Variants in RSPH9 observed in about 807,000 individuals in gnomAD.
The protein encoded by RSPH9 is radial spoke head protein 9 homolog.
RSPH9 carries 27 observed loss-of-function variants against 27.0 expected under a neutral mutation model. That is an observed-to-expected ratio of 1.00 (90% confidence interval 0.74 to 1.38). The LOEUF is 1.38. RSPH9 is among the 40% of genes most tolerant of loss of function. The pLI is 0.00. For missense variants in RSPH9, 347 were observed against 357.4 expected, an observed-to-expected ratio of 0.97 and a Z score of 0.24; for synonymous variants, 145 against 147.7, an observed-to-expected ratio of 0.98 and a Z score of 0.13.
At chr6:43,661,302 C>CA (rs567251570) in intron 4 of RSPH9, among the ~76,000 whole-genome samples, 87 of 152,320 alleles carry the variant, frequency 5.7e-4, no homozygotes, top group African/African-American at 2.0e-3. Context: ...GAGCCCCTAA[C>CA]AAGAGAGTCA....
At chr6:43,656,243 G>A (rs1232302588) in intron 3 of RSPH9, among the ~76,000 whole-genome samples, 2 of 151,986 alleles carry the variant, frequency 1.3e-5, no homozygotes, top group Non-Finnish European at 2.9e-5. Flanking sequence ...CCTCTACCAC[G>A]CTCGGCTAAT....
intron 4 of RSPH9, among the ~76,000 whole-genome samples, chr6:43,665,274 A>G (rs1486539950): frequency 6.6e-6 from 1 of 152,162 alleles, no homozygotes; most frequent in African/African-American, 2.4e-5. Context: ...GGTAAGGTGG[A>G]CCCTGGAGGC....
intron 4 of RSPH9, among the ~76,000 whole-genome samples, chr6:43,663,227 AT>A (rs111655173): frequency 0.25 from 37,687 of 149,786 alleles, 8,316 homozygotes; most frequent in African/African-American, 0.6. Context: ...TTTATTTTTT[AT>A]TTTTTTTTGA....
Position 43,655,649 on chromosome 6 carries a change from A to G in RSPH9, c.481A>G (p.Lys161Glu), listed in dbSNP as rs1351239709. 21 of 1,614,108 alleles carry G rather than the reference A, an allele frequency of 1.3e-5. No individual in the cohort carries two copies. Among genetic ancestry groups the G allele is most frequent in the Non-Finnish European group, 1.7e-5 (20 of 1,180,054 alleles). Residue 161 changes from lysine (K) to glutamate (E), a missense_variant, in exon 3 of 5, where the codon AAG becomes GAG. Physicochemically the swap from Lys to Glu is moderately conservative, Grantham distance 56. Coordinates refer to ENST00000372163, the MANE Select transcript of RSPH9 (RefSeq NM_152732.5). ...VAIIPRGALF[K>E]TPFGPTHVNR... is the part of the protein sequence containing the mutation. ...CATCATCCCCCGAGGCGCCCTCTTCAAGACCCCTTTTGGACCCACCCATGT... is the reference window on the plus strand; with the variant it reads ...CATCATCCCCCGAGGCGCCCTCTTCGAGACCCCTTTTGGACCCACCCATGT...
chr6:43,659,204 A>T (rs1463469037), intron 4 of RSPH9, among the ~76,000 whole-genome samples: 1 of 149,576 alleles, frequency 6.7e-6, no homozygotes, highest in Admixed American at 6.6e-5. Flanking sequence ...CCACATCCGC[A>T]GTTACTTCCT....
In RSPH9 at chr6:43,645,255, C is replaced by T; in HGVS notation, c.157C>T (p.Leu53Phe). The T allele has an allele frequency of 6.2e-7, 1 of 1,614,080 alleles. No individual in the cohort carries two copies. Among genetic ancestry groups the T allele is most frequent in the Non-Finnish European group, 8.5e-7 (1 of 1,180,018 alleles). ...TCTCTTCTGGGGCCGCATCCTTGGC[C>T]TCGTCGCCGATTACTACATCGCGCA... ...RVLFWGRILG[L>F]VADYYIAQGL... is the part of the protein sequence containing the mutation. The change falls in exon 1 of 5, where the codon CTC becomes TTC. Residue 53 changes from leucine to phenylalanine, a missense_variant. Transcript: ENST00000372163.
chr6:43,656,331 C>T (rs1256603035), intron 3 of RSPH9, among the ~76,000 whole-genome samples: 1 of 152,184 alleles, frequency 6.6e-6, no homozygotes, highest in Non-Finnish European at 1.5e-5. Context: ...GGTGATCTGC[C>T]TGCCTCGGCT....
intron 4 of RSPH9, among the ~76,000 whole-genome samples, chr6:43,661,820 T>C (rs1215090456): frequency 6.6e-6 from 1 of 152,164 alleles, no homozygotes; most frequent in East Asian, 1.9e-4. Context: ...TACATTAGCA[T>C]TTGCTGCTCC....
intron 4 of RSPH9, chr6:43,666,569 C>A: frequency 8.0e-7 from 1 of 1,249,386 alleles, no homozygotes; most frequent in Non-Finnish European, 1.1e-6. Context: ...TGACAAGAGA[C>A]ACCTTGGCTG....
At chr6:43,656,821 C>T in intron 4 of RSPH9, 98 bp downstream of exon 4, 9 of 1,393,992 alleles carry the variant, frequency 6.5e-6, no homozygotes, top group Non-Finnish European at 9.1e-6. Context: ...AACCAAGGGC[C>T]TAGTGGGAAT....
At chr6:43,658,329 C>T (rs1029822455) in intron 4 of RSPH9, among the ~76,000 whole-genome samples, 14 of 136,076 alleles carry the variant, frequency 1.0e-4, no homozygotes, top group South Asian at 2.4e-4. Flanking sequence ...AAAAAAGAAA[C>T]GAACATATCT....
At chr6:43,668,098 G>T (rs1016765589) in intron 4 of RSPH9, among the ~76,000 whole-genome samples, 1 of 152,144 alleles carries the variant, frequency 6.6e-6, no homozygotes, top group Non-Finnish European at 1.5e-5. Flanking sequence ...TAGGGGGCAG[G>T]AGGGATTTGG....
chr6:43,658,810 C>T (rs917448678), intron 4 of RSPH9, among the ~76,000 whole-genome samples: 8 of 152,188 alleles, frequency 5.3e-5, no homozygotes, highest in African/African-American at 1.9e-4. Flanking sequence ...TTCCAAAGTG[C>T]TGGGATTACA....
chr6:43,652,224 T>C (rs1771551409), intron 2 of RSPH9, among the ~76,000 whole-genome samples: 1 of 149,352 alleles, frequency 6.7e-6, no homozygotes, highest in South Asian at 2.1e-4. Flanking sequence ...GAGAATGGCA[T>C]GAACCCGGGA....
intron 4 of RSPH9, chr6:43,666,629 C>T: frequency 1.4e-6 from 1 of 701,484 alleles, no homozygotes; most frequent in Non-Finnish European, 2.4e-6. Flanking sequence ...ATGCCGTGTC[C>T]AGGGATCCGC....
At position 43,672,256 on chromosome 6, in the gene RSPH9, G is replaced by A. The variant is rs1773760416; in HGVS notation, c.*1307G>A. 1 of 434,430 alleles carries A rather than the reference G, an allele frequency of 2.3e-6. No homozygotes were observed. The highest frequency in any genetic ancestry group is 4.7e-6 in the Non-Finnish European group (1 of 212,374). 26.9% of individuals were successfully genotyped at this position (434,430 alleles called of 1,614,324 possible). ...ATTCCTCTCTGGCCTCAGCCATGGG[G>A]CGAGAAGAGCTGATGTAAGGCTCTG... On this transcript the variant is annotated 3_prime_UTR_variant, in exon 5 of 5. Coordinates refer to ENST00000372163, the MANE Select transcript of RSPH9 (RefSeq NM_152732.5).
In RSPH9 at chr6:43,671,139, G is replaced by A. The variant is rs1257254316; in HGVS notation, c.*190G>A. 3 of 669,222 alleles carry A rather than the reference G, an allele frequency of 4.5e-6. No homozygotes were observed. In the East Asian group the frequency reaches 8.2e-5, roughly 18 times the overall value. 41.5% of individuals were successfully genotyped at this position (669,222 alleles called of 1,614,324 possible). On this transcript the variant is annotated 3_prime_UTR_variant, in exon 5 of 5. Coordinates refer to ENST00000372163, the MANE Select transcript of RSPH9 (RefSeq NM_152732.5). ...GGCAGAGGGGTTGGAATGTGCTAATGAAAGAGATTCTAGACAACGATGGGT... is the reference window on the plus strand; with the variant it reads ...GGCAGAGGGGTTGGAATGTGCTAATAAAAGAGATTCTAGACAACGATGGGT...
intron 2 of RSPH9, among the ~76,000 whole-genome samples, chr6:43,652,306 A>G (rs1391792062): frequency 1.4e-5 from 2 of 144,502 alleles, no homozygotes; most frequent in Non-Finnish European, 3.1e-5. Context: ...ACTCTGTCTC[A>G]AAAAAAAAAA....
intron 1 of RSPH9, among the ~76,000 whole-genome samples, chr6:43,648,465 C>T (rs977362137): frequency 3.9e-5 from 6 of 152,138 alleles, no homozygotes; most frequent in Admixed American, 6.6e-5. Flanking sequence ...TTTGTGGAAC[C>T]GCATGGAGAC....
Sources: gnomAD v4.1 joint callset for allele counts (sites outside exome capture counted in the v4.1 genomes callset) on GRCh38, gnomAD v4.1.1 for gene constraint, MANE v1.5 for transcripts, NCBI Gene and HGNC (gene_info 2026-07-23, HGNC 2026-07-21) for gene names.